The following ARB2A variants were observed in gnomAD, a reference collection of about 807,000 sequenced individuals.
ARB2A encodes ARB2 cotranscriptional regulator A, also known as cotranscriptional regulator ARB2A.
the ARB2A span, among the ~76,000 whole-genome samples, chr5:93,981,567 T>C: frequency 6.6e-6 from 1 of 152,018 alleles, no homozygotes; most frequent in Non-Finnish European, 1.5e-5. Flanking sequence ...GAAACACAGA[T>C]GATTATCCAT....
chr5:93,955,005 C>T, the ARB2A span, among the ~76,000 whole-genome samples: 1 of 152,032 alleles, frequency 6.6e-6, no homozygotes, highest in Non-Finnish European at 1.5e-5. Context: ...ATTCTCTCTC[C>T]ACACCATGCT....
the ARB2A span, chr5:93,621,011 G>T: frequency 6.2e-7 from 1 of 1,611,316 alleles, no homozygotes; most frequent in Middle Eastern, 1.7e-4. Context: ...GCTTGATGCG[G>T]TGGGAGCGGC....
chr5:94,050,642 A>C, the ARB2A span: 1 of 911,244 alleles, frequency 1.1e-6, no homozygotes, highest in Non-Finnish European at 1.6e-6. Flanking sequence ...TTTTGTAGAA[A>C]GAGTGCATAA....
At chr5:93,958,259 G>C in the ARB2A span, among the ~76,000 whole-genome samples, 1 of 151,728 alleles carries the variant, frequency 6.6e-6, no homozygotes, top group African/African-American at 2.4e-5. Flanking sequence ...TTTATTTGTG[G>C]GCTCTAAAAA....
the ARB2A span, among the ~76,000 whole-genome samples, chr5:93,996,081 T>G: frequency 6.6e-6 from 1 of 152,020 alleles, no homozygotes; most frequent in African/African-American, 2.4e-5. Context: ...ATTTTTTTTT[T>G]GCCAAAATTG....
At chr5:93,999,323 T>A in the ARB2A span, among the ~76,000 whole-genome samples, 18 of 151,972 alleles carry the variant, frequency 1.2e-4, no homozygotes, top group Non-Finnish European at 2.2e-4. Context: ...ATCAAATAAA[T>A]GTCTGTATTC....
chr5:93,643,069 G>T, the ARB2A span, among the ~76,000 whole-genome samples: 2 of 152,042 alleles, frequency 1.3e-5, no homozygotes, highest in Non-Finnish European at 2.9e-5. Flanking sequence ...ATTATCTAAA[G>T]GAATGCACAG....
chr5:93,640,779 TAC>T, the ARB2A span, among the ~76,000 whole-genome samples: 2 of 152,096 alleles, frequency 1.3e-5, no homozygotes, highest in Admixed American at 1.3e-4. Flanking sequence ...TGTAAATATT[TAC>T]AGTCTTGGGG....
chr5:94,063,058 G>T, the ARB2A span, among the ~76,000 whole-genome samples: 112 of 152,264 alleles, frequency 7.4e-4, no homozygotes, highest in Non-Finnish European at 1.3e-3. Context: ...AGCATAGGGC[G>T]GTGGTGCAGT....
At chr5:94,101,614 A>G in the ARB2A span, among the ~76,000 whole-genome samples, 3 of 152,230 alleles carry the variant, frequency 2.0e-5, no homozygotes, top group Non-Finnish European at 4.4e-5. Context: ...CAGTCATAAA[A>G]AAATGAGATA....
At chr5:93,823,209 C>T in the ARB2A span, among the ~76,000 whole-genome samples, 1,390 of 152,306 alleles carry the variant, frequency 9.1e-3, 22 homozygotes, top group African/African-American at 0.032. Flanking sequence ...GAATTCTTCA[C>T]TAATCCATTA....
the ARB2A span, among the ~76,000 whole-genome samples, chr5:93,817,513 C>A: frequency 3.3e-5 from 5 of 152,084 alleles, no homozygotes; most frequent in Non-Finnish European, 5.9e-5. Context: ...CTAGAACAGC[C>A]AAAATCATCT....
At chr5:93,993,675 T>C in the ARB2A span, among the ~76,000 whole-genome samples, 1 of 151,996 alleles carries the variant, frequency 6.6e-6, no homozygotes, top group Non-Finnish European at 1.5e-5. Context: ...ATAAATGGCT[T>C]ACAACTTTAC....
chr5:94,009,399 C>T, the ARB2A span, among the ~76,000 whole-genome samples: 1 of 151,846 alleles, frequency 6.6e-6, no homozygotes, highest in African/African-American at 2.4e-5. Context: ...CTCAAAGTTC[C>T]CCAGTATAAG....
chr5:93,669,697 A>G, the ARB2A span, among the ~76,000 whole-genome samples: 7 of 152,194 alleles, frequency 4.6e-5, no homozygotes, highest in South Asian at 8.3e-4. Context: ...TGAAATCTGC[A>G]TTGGTCAGAA....
chr5:93,897,917 G>A, the ARB2A span, among the ~76,000 whole-genome samples: 16 of 151,816 alleles, frequency 1.1e-4, no homozygotes, highest in African/African-American at 3.9e-4. Context: ...AATCTCCATC[G>A]TTGTAACTTC....
the ARB2A span, chr5:93,781,767 CTGA>C: frequency 2.3e-6 from 1 of 434,356 alleles, no homozygotes; most frequent in African/African-American, 2.2e-5. Context: ...TTGCATTTCT[CTGA>C]TGATTAGTGA....
chr5:93,647,981 A>C, the ARB2A span, among the ~76,000 whole-genome samples: 1 of 152,044 alleles, frequency 6.6e-6, no homozygotes, highest in Non-Finnish European at 1.5e-5. Flanking sequence ...CATCTCTACA[A>C]AATATACAAA....
At chr5:93,825,302 CAAACA>C in the ARB2A span, among the ~76,000 whole-genome samples, 2 of 48,544 alleles carry the variant, frequency 4.1e-5, no homozygotes, top group Non-Finnish European at 8.8e-5. Context: ...AATTAGGGCA[CAAACA>C]AGATAATTTT....
Sources: gnomAD v4.1 joint callset for allele counts (sites outside exome capture counted in the v4.1 genomes callset) on GRCh38, gnomAD v4.1.1 for gene constraint, MANE v1.5 for transcripts, NCBI Gene and HGNC (gene_info 2026-07-23, HGNC 2026-07-21) for gene names.